The following LSAMP variants were observed in gnomAD, a reference collection of about 807,000 sequenced individuals.
LSAMP encodes limbic system-associated membrane protein.
LSAMP carries 7 observed loss-of-function variants against 38.6 expected under a neutral mutation model. The observed-to-expected ratio is 0.18, with a 90% CI of 0.10 to 0.34. The LOEUF (loss-of-function observed/expected upper bound fraction) is 0.34, where lower values mean the gene tolerates loss of function less well. LSAMP is among the 10% of genes least tolerant of loss of function. LSAMP has a pLI of 1.00. For missense variants in LSAMP, 313 were observed against 420.0 expected, an observed-to-expected ratio of 0.75 and a Z score of 2.23; for synonymous variants, 154 against 166.8, an observed-to-expected ratio of 0.92 and a Z score of 0.59.
chr3:115,906,844 A>T (rs1306532972), intron 3 of LSAMP, among the ~76,000 whole-genome samples: 1 of 152,150 alleles, frequency 6.6e-6, no homozygotes, highest in Non-Finnish European at 1.5e-5. Context: ...ATTAAACTGA[A>T]TTAGAGGCAG....
chr3:116,219,721 G>C (rs79052964), intron 1 of LSAMP, among the ~76,000 whole-genome samples: 1 of 152,056 alleles, frequency 6.6e-6, no homozygotes, highest in Non-Finnish European at 1.5e-5. Context: ...CCATATACCT[G>C]ATAAGGGGAT....
At chr3:116,444,803 CA>C in intron 1 of LSAMP, 73 bp downstream of exon 1, 1 of 1,511,866 alleles carries the variant, frequency 6.6e-7, no homozygotes, top group Non-Finnish European at 8.9e-7. Context: ...CACACACACA[CA>C]CACACAAACA....
intron 3 of LSAMP, among the ~76,000 whole-genome samples, chr3:115,871,582 A>AGTGTGTGTGTGTGT (rs59830926): frequency 6.9e-6 from 1 of 144,928 alleles, no homozygotes; most frequent in African/African-American, 2.5e-5. Flanking sequence ...ACCAACGTGT[A>AGTGTGTGTGTGTGT]GTGTGTGTGT....
At chr3:115,895,341 C>T (rs551990588) in intron 3 of LSAMP, among the ~76,000 whole-genome samples, 1 of 152,136 alleles carries the variant, frequency 6.6e-6, no homozygotes, top group Non-Finnish European at 1.5e-5. Context: ...ACCAAACATT[C>T]ATTAAAGGAC....
chr3:115,892,186 G>C (rs1936615646), intron 3 of LSAMP, among the ~76,000 whole-genome samples: 1 of 151,840 alleles, frequency 6.6e-6, no homozygotes, highest in African/African-American at 2.4e-5. Flanking sequence ...AAAATTATTT[G>C]GTAGACTCTA....
chr3:116,258,473 T>C (rs1354311554), intron 1 of LSAMP, among the ~76,000 whole-genome samples: 1 of 152,056 alleles, frequency 6.6e-6, no homozygotes, highest in Non-Finnish European at 1.5e-5. Context: ...TTTAAAGTAG[T>C]AAACAGAATG....
intron 1 of LSAMP, among the ~76,000 whole-genome samples, chr3:116,285,792 C>T (rs1300334334): frequency 6.6e-6 from 1 of 152,026 alleles, no homozygotes; most frequent in Admixed American, 6.6e-5. Context: ...TTTCCTTCCA[C>T]TCCTCACCCC....
chr3:116,390,132 T>TAC (rs10661312), intron 1 of LSAMP, among the ~76,000 whole-genome samples: 23,159 of 147,262 alleles, frequency 0.16, 1,863 homozygotes, highest in Non-Finnish European at 0.19. Context: ...TATGTATGTA[T>TAC]ACACACACAC....
intron 1 of LSAMP, among the ~76,000 whole-genome samples, chr3:116,221,189 A>G (rs999479904): frequency 3.3e-5 from 5 of 149,792 alleles, no homozygotes; most frequent in African/African-American, 1.2e-4. Context: ...GCAGCAATAT[A>G]TATAACCGAA....
chr3:116,351,635 A>G (rs1319817243), intron 1 of LSAMP, among the ~76,000 whole-genome samples: 1 of 152,106 alleles, frequency 6.6e-6, no homozygotes, highest in African/African-American at 2.4e-5. Flanking sequence ...ACTGGAAACT[A>G]CAGAATGGAT....
chr3:115,805,332 C>A lies in LSAMP; in HGVS notation c.*4985G>T, dbSNP rs569944062. On this transcript the variant is annotated 3_prime_UTR_variant, in exon 7 of 7. Transcript: ENST00000490035. ...GCAACCTCATATTTGGAGCTTTAGT[C>A]GTAATTCTTCCGATTCTGAACTGTG... 1 of 152,080 alleles carries A rather than the reference C, an allele frequency of 6.6e-6. No homozygotes were observed. The highest frequency in any genetic ancestry group is 2.4e-5 in the African/African-American group (1 of 41,426). 9.4% of individuals were successfully genotyped at this position (152,080 alleles called of 1,614,324 possible).
intron 1 of LSAMP, among the ~76,000 whole-genome samples, chr3:116,413,465 C>G (rs1409491976): frequency 1.3e-5 from 2 of 152,078 alleles, no homozygotes; most frequent in East Asian, 1.9e-4. Context: ...ATACAAGATG[C>G]TCAAAGGCTC....
chr3:116,182,190 C>G (rs1345178509), intron 1 of LSAMP, among the ~76,000 whole-genome samples: 2 of 151,824 alleles, frequency 1.3e-5, no homozygotes, highest in African/African-American at 4.8e-5. Flanking sequence ...CAAGAGCATT[C>G]ATGACACCTC....
At chr3:116,120,222 C>T (rs1305797388) in intron 1 of LSAMP, among the ~76,000 whole-genome samples, 1 of 151,992 alleles carries the variant, frequency 6.6e-6, no homozygotes, top group Non-Finnish European at 1.5e-5. Flanking sequence ...CTTGATGGAC[C>T]AAAGGAGGAA....
chr3:116,378,987 GA>G (rs112619334), intron 1 of LSAMP, among the ~76,000 whole-genome samples: 4 of 104,004 alleles, frequency 3.8e-5, no homozygotes, highest in African/African-American at 1.5e-4. Context: ...TAATTGCTCA[GA>G]ACACACACAC....
intron 1 of LSAMP, among the ~76,000 whole-genome samples, chr3:116,404,423 T>C (rs376698018): frequency 2.0e-5 from 3 of 152,198 alleles, no homozygotes; most frequent in African/African-American, 4.8e-5. Flanking sequence ...TAGTAAACTA[T>C]AAGGCACTTC....
intron 2 of LSAMP, among the ~76,000 whole-genome samples, chr3:116,069,768 T>C (rs1707555084): frequency 6.6e-6 from 1 of 152,168 alleles, no homozygotes; most frequent in Non-Finnish European, 1.5e-5. Context: ...AGGCAAAGAT[T>C]AATTTATTTT....
chr3:115,818,822 A>ATATATATATATATATC (rs55828725), intron 6 of LSAMP, among the ~76,000 whole-genome samples: 1 of 125,234 alleles, frequency 8.0e-6, no homozygotes, highest in Non-Finnish European at 1.7e-5. Context: ...ATATATATAT[A>ATATATATATATATATC]ACTGCAGCAA....
intron 1 of LSAMP, among the ~76,000 whole-genome samples, chr3:116,260,925 A>G (rs1444126530): frequency 6.6e-6 from 1 of 152,210 alleles, no homozygotes; most frequent in South Asian, 2.1e-4. Flanking sequence ...GAGATAGAGC[A>G]TCACCTGGGA....
Sources: allele counts gnomAD v4.1 joint callset (sites outside exome capture counted in the v4.1 genomes callset), GRCh38; gene constraint gnomAD v4.1.1; transcripts MANE v1.5; gene names NCBI Gene and HGNC (gene_info 2026-07-23, HGNC 2026-07-21).